Variants in LARGE1 observed in about 807,000 individuals in gnomAD.
The protein encoded by LARGE1 is LARGE xylosyl- and glucuronyltransferase 1.
Under a neutral mutation model 87.6 loss-of-function variants are expected in LARGE1, and 43 were observed. The ratio of observed to expected loss-of-function variants is 0.49; its 90% CI spans 0.38 to 0.63. The LOEUF (loss-of-function observed/expected upper bound fraction) is 0.63. Ranked by LOEUF, LARGE1 falls within the 30% of genes least tolerant of loss-of-function variation. The pLI, the probability that LARGE1 is intolerant of heterozygous loss-of-function variation, is 0.00. For synonymous variants in LARGE1, 434 were observed against 394.6 expected (o/e 1.10, Z -1.18); for missense variants, 802 against 1,000.2 (o/e 0.80, Z 2.67).
At chr22:33,392,624 A>G (rs2065573291) in intron 7 of LARGE1, among the ~76,000 whole-genome samples, 1 of 152,016 alleles carries the variant, frequency 6.6e-6, no homozygotes, top group African/African-American at 2.4e-5. Context: ...GCCCCACTGT[A>G]CTCCCGCCTG....
chr22:33,161,669 A>G (rs932947416), downstream of LARGE1, among the ~76,000 whole-genome samples: 1 of 152,212 alleles, frequency 6.6e-6, no homozygotes, highest in African/African-American at 2.4e-5. Context: ...CTTTGATTCC[A>G]TGTCTTACAT....
intron 2 of LARGE1, among the ~76,000 whole-genome samples, chr22:33,662,093 A>G (rs1481850634): frequency 3.3e-5 from 5 of 151,548 alleles, no homozygotes; most frequent in South Asian, 2.1e-4. Flanking sequence ...AAAAAAAAAA[A>G]AAAAAAGGAA....
chr22:33,843,009 G>T (rs767234638), intron 1 of LARGE1, among the ~76,000 whole-genome samples: 15 of 152,078 alleles, frequency 9.9e-5, no homozygotes, highest in Admixed American at 2.0e-4. Flanking sequence ...TGTTCCTCTG[G>T]GGGGGTCCTG....
chr22:33,506,511 G>A (rs755204750), intron 6 of LARGE1, among the ~76,000 whole-genome samples: 13 of 152,190 alleles, frequency 8.5e-5, no homozygotes, highest in Non-Finnish European at 1.5e-4. Flanking sequence ...TGATGACTCT[G>A]CATGGTCACA....
intron 2 of LARGE1, among the ~76,000 whole-genome samples, chr22:33,711,665 G>C (rs1388136570): frequency 6.6e-6 from 1 of 152,192 alleles, no homozygotes; most frequent in African/African-American, 2.4e-5. Flanking sequence ...GTTTGTTTTA[G>C]AGTTGGGGTC....
chr22:33,309,785 A>G (rs1323443674), intron 11 of LARGE1, among the ~76,000 whole-genome samples: 1 of 152,156 alleles, frequency 6.6e-6, no homozygotes, highest in African/African-American at 2.4e-5. Context: ...GAGCAGGAAG[A>G]AACAGGACCA....
At chr22:33,752,218 G>A (rs2145645792) in intron 2 of LARGE1, among the ~76,000 whole-genome samples, 1 of 152,236 alleles carries the variant, frequency 6.6e-6, no homozygotes, top group African/African-American at 2.4e-5. Context: ...GTATTGCTAG[G>A]GGTAGAGCTA....
intron 1 of LARGE1, among the ~76,000 whole-genome samples, chr22:33,825,313 T>G (rs1467935710): frequency 6.6e-6 from 1 of 152,186 alleles, no homozygotes; most frequent in East Asian, 1.9e-4. Flanking sequence ...GTTCTCACAC[T>G]GCTAATAAAG....
chr22:33,259,581 AG>A (rs1927513758), intron 11 of LARGE1, among the ~76,000 whole-genome samples: 3 of 152,236 alleles, frequency 2.0e-5, no homozygotes, highest in Admixed American at 2.0e-4. Context: ...TTTCTGATAC[AG>A]GAACTACAGA....
chr22:33,877,393 T>C (rs376476093), intron 1 of LARGE1, among the ~76,000 whole-genome samples: 2 of 152,138 alleles, frequency 1.3e-5, no homozygotes, highest in Admixed American at 6.5e-5. Context: ...AAATTTTTTT[T>C]CCCAAGATTT....
At chr22:33,775,083 G>A (rs998082126) in intron 1 of LARGE1, among the ~76,000 whole-genome samples, 1 of 152,172 alleles carries the variant, frequency 6.6e-6, no homozygotes, top group Non-Finnish European at 1.5e-5. Context: ...GGATACCCAG[G>A]TACCATACTG....
intron 6 of LARGE1, among the ~76,000 whole-genome samples, chr22:33,474,990 G>A (rs906785631): frequency 1.3e-4 from 20 of 152,114 alleles, no homozygotes; most frequent in Non-Finnish European, 2.4e-4. Flanking sequence ...ATAAGGAGAT[G>A]GAATGCCCTC....
intron 10 of LARGE1, among the ~76,000 whole-genome samples, chr22:33,332,432 A>G (rs1218989790): frequency 6.6e-6 from 1 of 152,186 alleles, no homozygotes; most frequent in Admixed American, 6.5e-5. Flanking sequence ...TTTCCTTTAT[A>G]AATTACCCAG....
chr22:33,396,243 C>T (rs144272211), intron 7 of LARGE1, among the ~76,000 whole-genome samples: 1 of 152,346 alleles, frequency 6.6e-6, no homozygotes, highest in African/African-American at 2.4e-5. Context: ...ACCTTCCTCC[C>T]TTCTGCTTTG....
At chr22:33,546,929 G>A (rs1180716562) in intron 6 of LARGE1, among the ~76,000 whole-genome samples, 1 of 152,238 alleles carries the variant, frequency 6.6e-6, no homozygotes, top group African/African-American at 2.4e-5. Flanking sequence ...AGAGATTGAT[G>A]AGGAACAGTG....
chr22:33,887,311 G>A (rs994283904), intron 1 of LARGE1, among the ~76,000 whole-genome samples: 6 of 152,122 alleles, frequency 3.9e-5, no homozygotes, highest in South Asian at 2.1e-4. Context: ...GAGCTCCCTC[G>A]CCCCTTCTTT....
chr22:33,163,506 G>T (rs1454764428), exon 12 of LARGE1: 1 of 152,204 alleles, frequency 6.6e-6, no homozygotes, highest in African/African-American at 2.4e-5. Context: ...TCACTTAACA[G>T]GCTCTCTTTC....
In LARGE1 at chr22:33,190,245, G is replaced by A. The variant is rs533740376; in HGVS notation, c.1731-23413C>T. ...AATACCAGGTCTTCTTGGAGACTGG[G>A]AAGAGTACTGTTACTCCCCAGCCTT... On this transcript the variant is annotated intron_variant, in intron 11 of 11. Coordinates refer to the LARGE1 transcript ENST00000608642. Among the ~76,000 whole-genome samples the A allele has an allele frequency of 3.9e-5, 6 of 152,236 alleles. No individual in the cohort carries two copies. In the South Asian group the frequency reaches 1.2e-3, roughly 32 times the overall value.
At chr22:33,650,869 G>A (rs1344527606) in intron 2 of LARGE1, among the ~76,000 whole-genome samples, 2 of 152,128 alleles carry the variant, frequency 1.3e-5, no homozygotes, top group Non-Finnish European at 2.9e-5. Flanking sequence ...ACTTATTATG[G>A]TGATAAAAGC....
Sources: gnomAD v4.1 joint callset for allele counts (sites outside exome capture counted in the v4.1 genomes callset) on GRCh38, gnomAD v4.1.1 for gene constraint, MANE v1.5 for transcripts, NCBI Gene and HGNC (gene_info 2026-07-23, HGNC 2026-07-21) for gene names.